Variants in ITPR2 observed in about 807,000 individuals in gnomAD.
ITPR2 encodes the protein inositol 1,4,5-trisphosphate-gated calcium channel ITPR2.
Under a neutral mutation model 317.1 loss-of-function variants are expected in ITPR2, and 207 were observed. The ratio of observed to expected loss-of-function variants is 0.65; its 90% CI spans 0.58 to 0.73. The LOEUF (loss-of-function observed/expected upper bound fraction) is 0.73. Among genes scored for constraint, ITPR2 ranks in the 30% least tolerant of loss-of-function variants. The pLI, the probability that ITPR2 is intolerant of heterozygous loss-of-function variation, is 0.00. For missense variants in ITPR2, 2,613 were observed against 3,284.0 expected (o/e 0.80, Z 4.99); for synonymous variants, 1,156 against 1,149.1 (o/e 1.01, Z -0.12).
chr12:26,666,766 A>C (rs941118858), intron 13 of ITPR2, among the ~76,000 whole-genome samples: 1 of 152,200 alleles, frequency 6.6e-6, no homozygotes, highest in African/African-American at 2.4e-5. Context: ...TTATTATTAC[A>C]ACTATTACTT....
intron 45 of ITPR2, among the ~76,000 whole-genome samples, chr12:26,449,732 C>T (rs1941694967): frequency 6.6e-6 from 1 of 151,980 alleles, no homozygotes; most frequent in Admixed American, 6.6e-5. Flanking sequence ...ATCCCATGAG[C>T]CAAGCCATGG....
chr12:26,795,176 G>A (rs1162398055), intron 1 of ITPR2, among the ~76,000 whole-genome samples: 1 of 152,152 alleles, frequency 6.6e-6, no homozygotes, highest in Non-Finnish European at 1.5e-5. Context: ...ACACATTAAG[G>A]TAAGGAAAGG....
At chr12:26,679,262 T>A (rs1341495739) in intron 13 of ITPR2, among the ~76,000 whole-genome samples, 1 of 152,158 alleles carries the variant, frequency 6.6e-6, no homozygotes, top group African/African-American at 2.4e-5. Flanking sequence ...GAGGTAAGAA[T>A]AGAGAGGAAG....
chr12:26,349,137 G>T (rs556439600), intron 55 of ITPR2, among the ~76,000 whole-genome samples: 1 of 152,302 alleles, frequency 6.6e-6, no homozygotes, highest in South Asian at 2.1e-4. Flanking sequence ...AACACACAGA[G>T]TCCCTGTCTC....
chr12:26,547,159 G>A (rs1944408740), intron 37 of ITPR2, among the ~76,000 whole-genome samples: 1 of 152,090 alleles, frequency 6.6e-6, no homozygotes, highest in Non-Finnish European at 1.5e-5. Flanking sequence ...TTATCTGACT[G>A]GAGACTAGTA....
chr12:26,459,475 T>A (rs112540962), intron 45 of ITPR2, among the ~76,000 whole-genome samples: 5,998 of 152,276 alleles, frequency 0.039, 143 homozygotes, highest in Middle Eastern at 0.11. Flanking sequence ...TTCCCCTCCA[T>A]CAATAGATTG....
At chr12:26,477,106 A>G in intron 43 of ITPR2, 99 bp from the exon 44 acceptor site, 1 of 667,454 alleles carries the variant, frequency 1.5e-6, no homozygotes, top group Non-Finnish European at 2.6e-6. Flanking sequence ...GACCTTTTTT[A>G]ATCAAACGGA....
intron 52 of ITPR2, among the ~76,000 whole-genome samples, chr12:26,403,008 G>A (rs182064230): frequency 1.5e-4 from 23 of 152,322 alleles, no homozygotes; most frequent in Admixed American, 6.5e-4. Flanking sequence ...CAAGGGCAGT[G>A]CAGTATCACA....
intron 34 of ITPR2, among the ~76,000 whole-genome samples, chr12:26,574,019 AAG>A (rs1306793313): frequency 2.6e-5 from 4 of 152,164 alleles, no homozygotes; most frequent in Non-Finnish European, 4.4e-5. Flanking sequence ...GAGAAAGAAA[AAG>A]AGAGATTCTG....
chr12:26,764,386 C>T (rs115952907), intron 2 of ITPR2, among the ~76,000 whole-genome samples: 33 of 152,044 alleles, frequency 2.2e-4, no homozygotes, highest in African/African-American at 7.5e-4. Context: ...TTCTGTTCTG[C>T]AAAAGACAGT....
chr12:26,692,786 A>T (rs1259503825), intron 10 of ITPR2, among the ~76,000 whole-genome samples: 1 of 152,162 alleles, frequency 6.6e-6, no homozygotes, highest in African/African-American at 2.4e-5. Context: ...AATGTTTCTA[A>T]ATTACAAAAA....
rs982595413 is a variant in ITPR2, at chr12:26,646,241, G to T, written c.2740+7735C>A. Among the ~76,000 whole-genome samples the T allele has an allele frequency of 2.0e-5, 3 of 151,630 alleles. No homozygotes were observed. In the East Asian group the frequency reaches 5.8e-4, roughly 29 times the overall value. On this transcript the variant is annotated intron_variant, in intron 21 of 56. Transcript: ENST00000381340. ...CAAAGATCATATTTAGACTAACCTCGTAGTTTTATAAAAGAAGAAATTATT... is the reference window on the plus strand; with the variant it reads ...CAAAGATCATATTTAGACTAACCTCTTAGTTTTATAAAAGAAGAAATTATT...
At chr12:26,702,598 C>T (rs1039665930) in intron 9 of ITPR2, among the ~76,000 whole-genome samples, 1 of 151,864 alleles carries the variant, frequency 6.6e-6, no homozygotes, top group African/African-American at 2.4e-5. Flanking sequence ...GCCACCATGC[C>T]CGGTTTATTT....
chr12:26,503,710 G>T (rs1203990101), intron 37 of ITPR2, among the ~76,000 whole-genome samples: 4 of 152,170 alleles, frequency 2.6e-5, no homozygotes, highest in Non-Finnish European at 5.9e-5. Flanking sequence ...ACACTGCAAG[G>T]CTATTTAAGG....
In ITPR2 at chr12:26,555,491, T is replaced by A. The variant is rs534716768; in HGVS notation, c.4964+742A>T. ...CCCCCTCAATAACGTGCCCTCCACA[T>A]AAAGACAAGTCTCTTCTTTCTGGAA... On this transcript the variant is annotated intron_variant, in intron 36 of 56. Coordinates refer to ENST00000381340, the MANE Select transcript of ITPR2 (RefSeq NM_002223.4). Among the ~76,000 whole-genome samples the A allele has an allele frequency of 2.6e-4, 39 of 152,332 alleles. 1 individual carries two copies. Among genetic ancestry groups the A allele is most frequent in the Admixed American group, 7.8e-4 (12 of 15,308 alleles).
At chr12:26,614,744 G>A (rs1946337915) in intron 26 of ITPR2, among the ~76,000 whole-genome samples, 1 of 152,098 alleles carries the variant, frequency 6.6e-6, no homozygotes, top group African/African-American at 2.4e-5. Flanking sequence ...TGAAATTCTG[G>A]AGAAGGCAAA....
chr12:26,695,721 A>G (rs1405346048), intron 9 of ITPR2, 71 bp from the exon 10 acceptor site: 2 of 855,308 alleles, frequency 2.3e-6, no homozygotes, highest in African/African-American at 5.5e-5. Context: ...TTGATCTTCA[A>G]TTCAATTAAT....
At chr12:26,737,252 GTTTCTTTC>G (rs967237877) in intron 2 of ITPR2, among the ~76,000 whole-genome samples, 1 of 149,800 alleles carries the variant, frequency 6.7e-6, no homozygotes, top group Non-Finnish European at 1.5e-5. Flanking sequence ...TTTCCTTTTC[GTTTCTTTC>G]TTTCTTTCTT....
intron 2 of ITPR2, among the ~76,000 whole-genome samples, chr12:26,772,801 T>C (rs150171908): frequency 2.4e-3 from 361 of 152,020 alleles, no homozygotes; most frequent in African/African-American, 8.3e-3. Flanking sequence ...GTTTGTTATA[T>C]AGGTGTACAT....
Sources: allele counts gnomAD v4.1 joint callset (sites outside exome capture counted in the v4.1 genomes callset), GRCh38; gene constraint gnomAD v4.1.1; transcripts MANE v1.5; gene names NCBI Gene and HGNC (gene_info 2026-07-23, HGNC 2026-07-21).